Variants in CAMSAP2 observed in about 807,000 individuals in gnomAD.
CAMSAP2 encodes the protein calmodulin-regulated spectrin-associated protein 2.
In CAMSAP2, 26 loss-of-function variants were observed where a neutral mutation model predicts 146.1. The ratio of observed to expected loss-of-function variants is 0.18; its 90% CI spans 0.13 to 0.25. The LOEUF (loss-of-function observed/expected upper bound fraction) is 0.25. Ranked by LOEUF, CAMSAP2 falls within the 10% of genes least tolerant of loss-of-function variation. CAMSAP2 has a pLI of 1.00. For synonymous variants in CAMSAP2, 499 were observed against 596.6 expected (o/e 0.84, Z 2.38); for missense variants, 1,381 against 1,759.3 (o/e 0.78, Z 3.85).
Position 200,853,278 on chromosome 1 carries a change from T to G in CAMSAP2, c.3606T>G (p.Arg1202=). ...CTGTAACCATTTGATTTCTTAGGCG[T>G]AAAACTGAGGAAGAACGTCAGAAGA... ...EMEHKKEETR[R]KTEEERQKKE... The change falls in exon 13 of 17, where the codon CGT becomes CGG. Residue 1202 remains arginine, a synonymous_variant. Transcript: ENST00000358823. The surrounding 1 kb of genome is among the most constrained non-coding windows in gnomAD (Gnocchi z 5.1). The G allele has an allele frequency of 6.2e-7, 1 of 1,612,626 alleles. No individual in the cohort carries two copies. The highest frequency in any genetic ancestry group is 2.2e-5 in the East Asian group (1 of 44,824).
intron 2 of CAMSAP2, among the ~76,000 whole-genome samples, chr1:200,794,826 A>G (rs1468472164): frequency 1.3e-5 from 2 of 152,146 alleles, no homozygotes; most frequent in Non-Finnish European, 1.5e-5. Flanking sequence ...CAGTATGGCA[A>G]CCTCCAGCCA....
intron 1 of CAMSAP2, among the ~76,000 whole-genome samples, chr1:200,760,293 A>G (rs753031209): frequency 8.5e-5 from 13 of 152,206 alleles, no homozygotes; most frequent in Non-Finnish European, 1.5e-4. Flanking sequence ...CTTTTTCAGT[A>G]GTGTCAGCAA....
intron 2 of CAMSAP2, 101 bp downstream of exon 2, chr1:200,761,199 T>A: frequency 1.7e-6 from 2 of 1,159,640 alleles, no homozygotes; most frequent in South Asian, 3.0e-5. Context: ...GAAATTGGAT[T>A]GTATTTTTGC....
At chr1:200,805,239 A>C (rs548118458) in intron 2 of CAMSAP2, among the ~76,000 whole-genome samples, 52 of 152,320 alleles carry the variant, frequency 3.4e-4, no homozygotes, top group Non-Finnish European at 6.3e-4. Flanking sequence ...AATACTGCTC[A>C]GTTTTCTAGA....
chr1:200,781,697 T>C (rs1571747601), intron 2 of CAMSAP2, among the ~76,000 whole-genome samples: 2 of 151,938 alleles, frequency 1.3e-5, no homozygotes, highest in African/African-American at 2.4e-5. Context: ...ATGCTCACTA[T>C]ACCCGGCTAA....
At chr1:200,825,944 T>C (rs1187458844) in intron 4 of CAMSAP2, among the ~76,000 whole-genome samples, 2 of 152,220 alleles carry the variant, frequency 1.3e-5, no homozygotes, top group Non-Finnish European at 2.9e-5. Flanking sequence ...AATACTGTTA[T>C]ATGTGGCCTT....
chr1:200,818,167 A>G (rs1474758566), intron 4 of CAMSAP2, among the ~76,000 whole-genome samples: 1 of 152,240 alleles, frequency 6.6e-6, no homozygotes, highest in Non-Finnish European at 1.5e-5. Context: ...ATTATATATA[A>G]TGGTTAAATT....
chr1:200,744,427 G>A (rs1299447443), intron 1 of CAMSAP2, among the ~76,000 whole-genome samples: 1 of 152,192 alleles, frequency 6.6e-6, no homozygotes, highest in Non-Finnish European at 1.5e-5. Flanking sequence ...GCCATTGACA[G>A]AGAAGAAAGT....
chr1:200,814,609 C>CAAAAAAAA (rs1204730822), intron 3 of CAMSAP2, among the ~76,000 whole-genome samples: 1 of 24,096 alleles, frequency 4.2e-5, no homozygotes, highest in Non-Finnish European at 7.0e-5. Flanking sequence ...GATTGCATCC[C>CAAAAAAAA]AAAAAAAAAA....
chr1:200,761,657 C>G (rs999432741), intron 2 of CAMSAP2, among the ~76,000 whole-genome samples: 1 of 151,974 alleles, frequency 6.6e-6, no homozygotes, highest in African/African-American at 2.4e-5. Context: ...ATCGCTTGAA[C>G]CCAGGAGGTG....
At chr1:200,818,634 C>A (rs993938577) in intron 4 of CAMSAP2, among the ~76,000 whole-genome samples, 11 of 151,974 alleles carry the variant, frequency 7.2e-5, no homozygotes, top group Admixed American at 6.6e-4. Context: ...TATGAAGAAA[C>A]ACACAATCAC....
intron 1 of CAMSAP2, among the ~76,000 whole-genome samples, chr1:200,751,535 C>CAAAAAAAAAA (rs35294926): frequency 2.4e-5 from 1 of 41,604 alleles, no homozygotes; most frequent in African/African-American, 8.4e-5. Context: ...GACTCCATCT[C>CAAAAAAAAAA]AAAAAAAAAA....
intron 3 of CAMSAP2, among the ~76,000 whole-genome samples, chr1:200,812,763 G>A (rs749249336): frequency 6.6e-6 from 1 of 152,128 alleles, no homozygotes; most frequent in African/African-American, 2.4e-5. Context: ...TTGAATGATT[G>A]AATCATGCAG....
intron 3 of CAMSAP2, among the ~76,000 whole-genome samples, chr1:200,814,758 A>G (rs1483688767): frequency 2.0e-5 from 3 of 152,128 alleles, no homozygotes; most frequent in Non-Finnish European, 4.4e-5. Flanking sequence ...AGTTGAGTTT[A>G]AAGGAAGAAA....
Position 200,854,902 on chromosome 1 carries a change from C to A in CAMSAP2, c.3896+13C>A. On this transcript the variant is annotated intron_variant, in intron 14 of 16. Coordinates refer to ENST00000358823, the MANE Select transcript of CAMSAP2 (RefSeq NM_203459.4). ...AGAGGACGCCAAGGTAAATCTATAA[C>A]GTATGAATATTTTTACAGAAAAGAA... 6.3e-7 allele frequency: 1 copy of A among 1,582,054 alleles called. No homozygotes were observed. Among genetic ancestry groups the A allele is most frequent in the Non-Finnish European group, 8.6e-7 (1 of 1,157,414 alleles).
At chr1:200,741,090 C>CT (rs915449836) in intron 1 of CAMSAP2, among the ~76,000 whole-genome samples, 3 of 151,964 alleles carry the variant, frequency 2.0e-5, no homozygotes, top group African/African-American at 7.3e-5. Context: ...ACTGCTTAAA[C>CT]TTACACAGCT....
chr1:200,823,216 A>G (rs576527200), intron 4 of CAMSAP2, among the ~76,000 whole-genome samples: 1 of 152,300 alleles, frequency 6.6e-6, no homozygotes, highest in Admixed American at 6.5e-5. Flanking sequence ...CTACCTGTCT[A>G]TATAATATTT....
chr1:200,762,169 T>C (rs567756849), intron 2 of CAMSAP2, among the ~76,000 whole-genome samples: 1 of 152,354 alleles, frequency 6.6e-6, no homozygotes, highest in South Asian at 2.1e-4. Context: ...TTATAAAATC[T>C]ATTACTAAAT....
intron 2 of CAMSAP2, among the ~76,000 whole-genome samples, chr1:200,762,441 T>C (rs1664827066): frequency 1.3e-5 from 2 of 152,206 alleles, no homozygotes; most frequent in Non-Finnish European, 2.9e-5. Flanking sequence ...AGTTTGCCCA[T>C]ACCAGGGACA....
Sources: allele counts gnomAD v4.1 joint callset (sites outside exome capture counted in the v4.1 genomes callset), GRCh38; gene constraint gnomAD v4.1.1; non-coding constraint Gnocchi (gnomAD v3.1); transcripts MANE v1.5; gene names NCBI Gene and HGNC (gene_info 2026-07-23, HGNC 2026-07-21).